Variants in DMXL2 observed in about 807,000 individuals in gnomAD.
DMXL2 encodes dmX-like protein 2.
In DMXL2, 103 loss-of-function variants were observed where a neutral mutation model predicts 331.1. The observed-to-expected ratio is 0.31, with a 90% CI of 0.27 to 0.37. The LOEUF (loss-of-function observed/expected upper bound fraction) is 0.37, where lower values mean the gene tolerates loss of function less well. Among genes scored for constraint, DMXL2 ranks in the 10% least tolerant of loss-of-function variants. DMXL2 has a pLI of 1.00. For missense variants in DMXL2, 3,171 were observed against 3,642.9 expected (o/e 0.87, Z 3.33); for synonymous variants, 1,281 against 1,252.1 (o/e 1.02, Z -0.49).
intron 43 of DMXL2, 116 bp from the exon 44 acceptor site, chr15:51,449,309 T>TGCCTCTTTCCTAAGA (rs1363038426): frequency 6.8e-6 from 6 of 879,590 alleles, no homozygotes; most frequent in Admixed American, 4.4e-5. Flanking sequence ...TCCCACCCAC[T>TGCCTCTTTCCTAAGA]GCCTCTTTCC....
chr15:51,570,764 C>A (rs1596296932), intron 2 of DMXL2, among the ~76,000 whole-genome samples: 1 of 152,082 alleles, frequency 6.6e-6, no homozygotes. Context: ...ACCACCAGGC[C>A]TTCCTTCCTT....
Position 51,568,560 on chromosome 15 carries a change from TA to T in DMXL2, c.214-3del. On this transcript the variant is annotated splice_region_variant and splice_polypyrimidine_tract_variant and intron_variant, in intron 2 of 43. Transcript: ENST00000560891. ...AGCATTACCATATGAAGCTGCAATC[TA>T]AAAAAGAATAAATACAGCATTAATA... The T allele has an allele frequency of 6.4e-7, 1 of 1,558,838 alleles. No individual in the cohort carries two copies. The highest frequency in any genetic ancestry group is 8.6e-7 in the Non-Finnish European group (1 of 1,156,474).
At chr15:51,528,196 A>G (rs1281079064) in intron 13 of DMXL2, among the ~76,000 whole-genome samples, 1 of 152,174 alleles carries the variant, frequency 6.6e-6, no homozygotes, top group Non-Finnish European at 1.5e-5. Flanking sequence ...AAACAACCAG[A>G]AACAAATAAC....
intron 6 of DMXL2, among the ~76,000 whole-genome samples, chr15:51,562,059 A>G (rs565220150): frequency 1.3e-5 from 2 of 152,338 alleles, no homozygotes; most frequent in Non-Finnish European, 2.9e-5. Flanking sequence ...TCAATAGTAC[A>G]GTAGGGTGGC....
chr15:51,467,962 A>G lies in DMXL2; in HGVS notation c.7393-1651T>C, dbSNP rs574090184. Among the ~76,000 whole-genome samples the G allele has an allele frequency of 2.7e-4, 41 of 152,230 alleles. No homozygotes were observed. In the East Asian group the frequency reaches 6.9e-3, roughly 26 times the overall value. Reference sequence around the variant, plus strand: ...AGGATGGTCCCAATCTCCTGACCTCATGATCTGCCCACCTTGGCCTCCCAA... The same window carrying G: ...AGGATGGTCCCAATCTCCTGACCTCGTGATCTGCCCACCTTGGCCTCCCAA... On this transcript the variant is annotated intron_variant, in intron 29 of 43. Transcript: ENST00000560891.
chr15:51,553,962 A>G (rs2049387549), intron 6 of DMXL2, among the ~76,000 whole-genome samples: 1 of 152,180 alleles, frequency 6.6e-6, no homozygotes, highest in African/African-American at 2.4e-5. Flanking sequence ...GGATCACCTA[A>G]CTGCCATGTT....
At chr15:51,457,224 TG>T in intron 37 of DMXL2, 103 bp downstream of exon 37, 1 of 1,181,672 alleles carries the variant, frequency 8.5e-7, no homozygotes, top group Non-Finnish European at 1.2e-6. Context: ...GCCTATCTAC[TG>T]GTGTTTGTCC....
Position 51,499,952 on chromosome 15 carries a change from T to G in DMXL2, c.3272A>C (p.His1091Pro). 1 of 1,614,014 alleles carries G rather than the reference T, an allele frequency of 6.2e-7. No homozygotes were observed. Among genetic ancestry groups the G allele is most frequent in the Non-Finnish European group, 8.5e-7 (1 of 1,179,960 alleles). ...TTCTTTAGAAACAAAACCATTATGG[T>G]GGATAGGCTGCTTATAAGCCACTGC... ...RLAVAYKQPIHHNGFVSKEFS... is the reference protein window; with the variant it reads ...RLAVAYKQPIPHNGFVSKEFS... The change falls in exon 18 of 44, where the codon CAC becomes CCC. Residue 1091 changes from histidine to proline, a missense_variant. By Grantham distance (77) the His-to-Pro change is moderately conservative. This residue lies in a region of DMXL2 where 1,674 missense variants were observed against 1,780.2 expected (regional missense o/e 0.94). Coordinates refer to ENST00000560891, the MANE Select transcript of DMXL2 (RefSeq NM_001378457.1).
intron 1 of DMXL2, among the ~76,000 whole-genome samples, chr15:51,577,994 G>A (rs1365633293): frequency 6.6e-6 from 1 of 152,168 alleles, no homozygotes; most frequent in Admixed American, 6.6e-5. Flanking sequence ...TAAAGTGCAA[G>A]ACATGGTCCC....
intron 16 of DMXL2, among the ~76,000 whole-genome samples, chr15:51,506,550 T>C (rs1230533458): frequency 1.3e-5 from 2 of 149,578 alleles, no homozygotes; most frequent in African/African-American, 4.9e-5. Context: ...GCCTCCCGGG[T>C]TCACGCCATT....
At chr15:51,588,595 T>A (rs895061654) in intron 1 of DMXL2, among the ~76,000 whole-genome samples, 5 of 152,238 alleles carry the variant, frequency 3.3e-5, no homozygotes, top group Admixed American at 6.5e-5. Flanking sequence ...TTCAAATTAT[T>A]TTTGTAACTA....
At chr15:51,455,875 A>G (rs1280973892) in intron 39 of DMXL2, among the ~76,000 whole-genome samples, 191 bp downstream of exon 39, 2 of 152,166 alleles carry the variant, frequency 1.3e-5, no homozygotes, top group Non-Finnish European at 2.9e-5. Flanking sequence ...TAGATGATTA[A>G]TCCATACTAA....
intron 23 of DMXL2, among the ~76,000 whole-genome samples, chr15:51,485,010 T>C (rs1223640239): frequency 7.6e-6 from 1 of 130,798 alleles, no homozygotes; most frequent in African/African-American, 2.9e-5. Flanking sequence ...TGAAAACAGG[T>C]CTTTTGAAAT....
intron 29 of DMXL2, among the ~76,000 whole-genome samples, chr15:51,470,748 G>C (rs1280138795): frequency 6.6e-6 from 1 of 152,178 alleles, no homozygotes; most frequent in African/African-American, 2.4e-5. Context: ...GGCTATACCA[G>C]ATCTAGTCAC....
chr15:51,493,574 G>A (rs2140449491), intron 19 of DMXL2, among the ~76,000 whole-genome samples: 1 of 152,274 alleles, frequency 6.6e-6, no homozygotes, highest in South Asian at 2.1e-4. Flanking sequence ...TTCTATCTAT[G>A]TACTGGCTAC....
chr15:51,494,278 G>C (rs533483224), intron 19 of DMXL2, among the ~76,000 whole-genome samples: 2 of 152,276 alleles, frequency 1.3e-5, no homozygotes, highest in East Asian at 1.9e-4. Flanking sequence ...ATAGGTTAAA[G>C]GGTAAGTGCC....
chr15:51,507,101 G>A (rs780068723), intron 16 of DMXL2, 33 bp downstream of exon 16: 12 of 1,474,808 alleles, frequency 8.1e-6, no homozygotes, highest in East Asian at 2.4e-5. Context: ...AATTTGTTAT[G>A]TATCATCTCT....
chr15:51,574,800 C>T (rs1366028454), intron 2 of DMXL2, among the ~76,000 whole-genome samples: 4 of 152,156 alleles, frequency 2.6e-5, no homozygotes, highest in African/African-American at 9.7e-5. Flanking sequence ...GGTATGAATA[C>T]CAATGTCTTA....
At chr15:51,582,995 T>C (rs929156298) in intron 1 of DMXL2, among the ~76,000 whole-genome samples, 11 of 152,170 alleles carry the variant, frequency 7.2e-5, no homozygotes, top group South Asian at 4.1e-4. Context: ...TATCTTCTTT[T>C]AACATAAATG....
Sources: gnomAD v4.1 joint callset for allele counts (sites outside exome capture counted in the v4.1 genomes callset) on GRCh38, gnomAD v4.1.1 for gene constraint, gnomAD v4.1.1 regional missense constraint, MANE v1.5 for transcripts, NCBI Gene and HGNC (gene_info 2026-07-23, HGNC 2026-07-21) for gene names.